Variants in CD226 observed in about 807,000 individuals in gnomAD.
CD226 encodes the protein CD226 antigen.
In CD226, 24 loss-of-function variants were observed where a neutral mutation model predicts 34.9. That is an observed-to-expected ratio of 0.69 (90% confidence interval 0.50 to 0.97). The LOEUF is 0.97. Ranked by LOEUF, CD226 falls within the 50% of genes least tolerant of loss-of-function variation. The pLI is 0.00. For missense variants in CD226, 397 were observed against 412.7 expected, an observed-to-expected ratio of 0.96 and a Z score of 0.33; for synonymous variants, 148 against 147.4, an observed-to-expected ratio of 1.00 and a Z score of -0.03.
chr18:69,947,123 T>G (rs1034747926), intron 1 of CD226, 54 bp from the exon 2 acceptor site: 1 of 1,422,170 alleles, frequency 7.0e-7, no homozygotes, highest in African/African-American at 1.4e-5. Flanking sequence ...AAACACCAAA[T>G]CAATATCTTA....
intron 2 of CD226, among the ~76,000 whole-genome samples, chr18:69,945,899 G>A (rs1486980590): frequency 6.6e-6 from 1 of 152,140 alleles, no homozygotes; most frequent in Non-Finnish European, 1.5e-5. Flanking sequence ...GAGAGCTAGT[G>A]CAGGGGAACT....
At chr18:69,889,479 G>A (rs913287870) in intron 3 of CD226, among the ~76,000 whole-genome samples, 1 of 54,482 alleles carries the variant, frequency 1.8e-5, no homozygotes. Flanking sequence ...CTGGATTAAT[G>A]GAATCCTTAA....
chr18:69,930,422 T>G (rs970990765), intron 2 of CD226, among the ~76,000 whole-genome samples: 1 of 152,062 alleles, frequency 6.6e-6, no homozygotes, highest in East Asian at 1.9e-4. Context: ...AAGCATCAAA[T>G]CTCTGAGAAC....
chr18:69,924,692 CAAAAAA>C (rs56118102), intron 2 of CD226, among the ~76,000 whole-genome samples: 8 of 57,128 alleles, frequency 1.4e-4, no homozygotes, highest in South Asian at 8.3e-4. Flanking sequence ...AAGGTATTGC[CAAAAAA>C]AAAAAAAAAA....
chr18:69,877,951 C>A (rs1234060703), intron 3 of CD226, among the ~76,000 whole-genome samples: 1 of 152,204 alleles, frequency 6.6e-6, no homozygotes, highest in Non-Finnish European at 1.5e-5. Flanking sequence ...CCATTCCCTG[C>A]CTTGCCTGCA....
At chr18:69,885,908 G>A (rs919575167) in intron 3 of CD226, among the ~76,000 whole-genome samples, 2 of 151,902 alleles carry the variant, frequency 1.3e-5, no homozygotes, top group African/African-American at 4.8e-5. Flanking sequence ...ATAAAGTAGC[G>A]GGAGACCACG....
chr18:69,952,871 T>C (rs2145381933), upstream of CD226, among the ~76,000 whole-genome samples: 1 of 152,314 alleles, frequency 6.6e-6, no homozygotes, highest in African/African-American at 2.4e-5. Flanking sequence ...ATATCCATAA[T>C]ATATAAGGAA....
Position 69,864,027 on chromosome 18 carries a change from C to A in CD226, c.*287G>T, listed in dbSNP as rs559536978. 2 of 248,130 alleles carry A rather than the reference C, an allele frequency of 8.1e-6. No homozygotes were observed. The highest frequency in any genetic ancestry group is 1.0e-4 in the Admixed American group (2 of 19,218). The allele number at this position is 248,130 out of a possible 1,614,324, so 15.4% of individuals were successfully genotyped here. On this transcript the variant is annotated 3_prime_UTR_variant, in exon 6 of 6. Coordinates refer to ENST00000582621, the MANE Select transcript of CD226 (RefSeq NM_001303618.2). ...TGCCCATACTTAATTCTAGACACAA[C>A]ATTTAAGCCCTGGTAAATAGCCCTT...
intron 3 of CD226, among the ~76,000 whole-genome samples, chr18:69,892,891 A>G (rs538839134): frequency 6.6e-6 from 1 of 152,340 alleles, no homozygotes; most frequent in African/African-American, 2.4e-5. Flanking sequence ...ACAGCAATTT[A>G]TAAAATCTGC....
At chr18:69,868,657 C>A (rs1249349843) in intron 4 of CD226, among the ~76,000 whole-genome samples, 1 of 152,208 alleles carries the variant, frequency 6.6e-6, no homozygotes, top group Non-Finnish European at 1.5e-5. Flanking sequence ...TTATTATCCT[C>A]ATTTTAAAGA....
chr18:69,902,428 T>C (rs977448292), intron 2 of CD226, among the ~76,000 whole-genome samples: 1 of 152,064 alleles, frequency 6.6e-6, no homozygotes, highest in Non-Finnish European at 1.5e-5. Flanking sequence ...GTTCTTGACC[T>C]GAATGCTGGA....
intron 2 of CD226, among the ~76,000 whole-genome samples, chr18:69,919,801 G>C (rs2055429282): frequency 6.6e-6 from 1 of 151,088 alleles, no homozygotes; most frequent in African/African-American, 2.4e-5. Context: ...TTTAAATGAA[G>C]TTATTTCAAA....
At chr18:69,882,918 A>G (rs1350557780) in intron 3 of CD226, among the ~76,000 whole-genome samples, 1 of 152,146 alleles carries the variant, frequency 6.6e-6, no homozygotes, top group Non-Finnish European at 1.5e-5. Context: ...TCCTACTGAA[A>G]TGGCCTCCCA....
chr18:69,890,390 C>T (rs1220019490), intron 3 of CD226, among the ~76,000 whole-genome samples: 2 of 151,908 alleles, frequency 1.3e-5, no homozygotes, highest in Non-Finnish European at 2.9e-5. Context: ...GAGCCCAGGA[C>T]CATCCTTGAA....
chr18:69,855,084 T>C lies in CD226; in HGVS notation c.*9230A>G, dbSNP rs1982572147. ...CTAAAGACTTATTTACCTGTTCCTATTACATAACACACCAGATCTGGCTTG... is the reference window on the plus strand; with the variant it reads ...CTAAAGACTTATTTACCTGTTCCTACTACATAACACACCAGATCTGGCTTG... On this transcript the variant is annotated 3_prime_UTR_variant, in exon 6 of 6. Coordinates refer to ENST00000582621, the MANE Select transcript of CD226 (RefSeq NM_001303618.2). 6.6e-6 allele frequency: 1 copy of C among 151,954 alleles called. No individual in the cohort carries two copies. Among genetic ancestry groups the C allele is most frequent in the African/African-American group, 2.4e-5 (1 of 41,396 alleles). 9.4% of individuals were successfully genotyped at this position (151,954 alleles called of 1,614,324 possible).
chr18:69,948,471 C>A (rs1318724094), upstream of CD226, among the ~76,000 whole-genome samples: 1 of 152,028 alleles, frequency 6.6e-6, no homozygotes, highest in Non-Finnish European at 1.5e-5. Flanking sequence ...TAATGCCGAC[C>A]CTGAACTTTG....
intron 2 of CD226, among the ~76,000 whole-genome samples, chr18:69,924,090 T>C (rs1407539053): frequency 3.3e-5 from 5 of 152,070 alleles, no homozygotes. Flanking sequence ...CTCAACACTT[T>C]ACAAGGGAGA....
intron 3 of CD226, among the ~76,000 whole-genome samples, chr18:69,884,235 T>C (rs1438366641): frequency 6.6e-6 from 1 of 152,108 alleles, no homozygotes. Context: ...TGGAGCCTTG[T>C]GGAATATCAC....
intron 3 of CD226, among the ~76,000 whole-genome samples, chr18:69,873,649 C>A (rs1983682735): frequency 6.6e-6 from 1 of 151,690 alleles, no homozygotes; most frequent in South Asian, 2.1e-4. Flanking sequence ...GAGAGGGGAT[C>A]ACTTGAGGCC....
Sources: allele counts gnomAD v4.1 joint callset (sites outside exome capture counted in the v4.1 genomes callset), GRCh38; gene constraint gnomAD v4.1.1; transcripts MANE v1.5; gene names NCBI Gene and HGNC (gene_info 2026-07-23, HGNC 2026-07-21).